EPHA5: variants seen among roughly 807,000 people sequenced by gnomAD.
EPHA5 encodes the protein ephrin type-A receptor 5.
A neutral mutation model predicts 105.0 loss-of-function variants in EPHA5; 60 were observed. The observed-to-expected ratio is 0.57, with a 90% confidence interval of 0.46 to 0.71. EPHA5 has a LOEUF of 0.71. Ranked by LOEUF, EPHA5 falls within the 30% of genes least tolerant of loss-of-function variation. The pLI is 0.00. For missense variants in EPHA5, 1,218 were observed against 1,274.7 expected (o/e 0.96, Z 0.68); for synonymous variants, 513 against 449.1 (o/e 1.14, Z -1.80).
intron 8 of EPHA5, among the ~76,000 whole-genome samples, chr4:65,369,695 TG>T (rs1466056865): frequency 6.6e-6 from 1 of 152,094 alleles, no homozygotes; most frequent in Admixed American, 6.6e-5. Context: ...TGGCTGGGCG[TG>T]GTGGCTCACG....
chr4:65,599,848 AT>A (rs1743540470), intron 3 of EPHA5, among the ~76,000 whole-genome samples: 1 of 152,194 alleles, frequency 6.6e-6, no homozygotes, highest in Non-Finnish European at 1.5e-5. Context: ...ACTGCATTGC[AT>A]TCTGTCAGAA....
chr4:65,348,817 T>A (rs188390624), intron 13 of EPHA5, among the ~76,000 whole-genome samples: 2,248 of 83,160 alleles, frequency 0.027, 192 homozygotes, highest in African/African-American at 0.095. Flanking sequence ...ATATATATAT[T>A]TTTTTTTTTT....
intron 5 of EPHA5, among the ~76,000 whole-genome samples, chr4:65,456,723 T>TACACACAC (rs71205367): frequency 3.3e-5 from 5 of 151,338 alleles, no homozygotes; most frequent in East Asian, 2.0e-4. Context: ...AATAAACATA[T>TACACACAC]ACACACACAC....
chr4:65,595,553 T>C (rs543270108), intron 3 of EPHA5, among the ~76,000 whole-genome samples: 6 of 151,486 alleles, frequency 4.0e-5, no homozygotes, highest in African/African-American at 1.4e-4. Flanking sequence ...ACCCTTTATT[T>C]TATAATTTTT....
At chr4:65,590,374 C>A (rs6855605) in intron 3 of EPHA5, among the ~76,000 whole-genome samples, 36,606 of 151,962 alleles carry the variant, frequency 0.24, 4,998 homozygotes, top group East Asian at 0.45. Context: ...AAGATGTGAT[C>A]CACACGCATG....
chr4:65,426,635 T>C (rs1382472926), intron 5 of EPHA5, among the ~76,000 whole-genome samples: 1 of 152,140 alleles, frequency 6.6e-6, no homozygotes, highest in African/African-American at 2.4e-5. Context: ...ATAAATTATT[T>C]TTCTGGGATT....
At chr4:65,404,927 G>A (rs1219311252) in intron 7 of EPHA5, among the ~76,000 whole-genome samples, 1 of 152,044 alleles carries the variant, frequency 6.6e-6, no homozygotes, top group Non-Finnish European at 1.5e-5. Flanking sequence ...TTTCCCCATA[G>A]ACATTGGAGA....
intron 5 of EPHA5, among the ~76,000 whole-genome samples, chr4:65,430,991 C>T (rs1353508197): frequency 1.3e-5 from 2 of 152,046 alleles, no homozygotes; most frequent in Admixed American, 1.3e-4. Flanking sequence ...AGTTGTATTA[C>T]CTAAATCAAA....
At chr4:65,548,887 A>C (rs565517861) in intron 3 of EPHA5, among the ~76,000 whole-genome samples, 11 of 152,260 alleles carry the variant, frequency 7.2e-5, no homozygotes, top group African/African-American at 2.6e-4. Flanking sequence ...CACTATGTGG[A>C]AATTGGGACT....
chr4:65,567,948 A>G (rs1173600663), intron 3 of EPHA5, among the ~76,000 whole-genome samples: 3 of 151,492 alleles, frequency 2.0e-5, no homozygotes, highest in African/African-American at 7.2e-5. Flanking sequence ...CTTCAGGGGC[A>G]ATAAATTATT....
chr4:65,554,421 A>G (rs1425777357), intron 3 of EPHA5, among the ~76,000 whole-genome samples: 2 of 151,322 alleles, frequency 1.3e-5, no homozygotes, highest in African/African-American at 4.8e-5. Context: ...TTATTTATCA[A>G]GAATGTACAA....
At position 65,602,194 on chromosome 4, in the gene EPHA5, G is replaced by A. The variant is rs2149441391; in HGVS notation, c.357C>T (p.Ser119=). 1 of 1,613,916 alleles carries A rather than the reference G, an allele frequency of 6.2e-7. No homozygotes were observed. The highest frequency in any genetic ancestry group is 8.5e-7 in the Non-Finnish European group (1 of 1,180,004). ...TGAAGATTCTGGAAGCACCTTCATT[G>A]GAGATCCAACTGGTCAAAAGCCAGT... ...QNNWLLTSWI[S]NEGASRIFIE... is the part of the protein sequence containing the mutation. Residue 119 remains serine, a synonymous_variant, in exon 3 of 17, where the codon TCC becomes TCT. Transcript: ENST00000613740.
Position 65,645,105 on chromosome 4 carries a change from C to T in EPHA5, c.182-1678G>A, listed in dbSNP as rs568523396. Among the ~76,000 whole-genome samples, 3 of 152,102 alleles carry T rather than the reference C, an allele frequency of 2.0e-5. No individual in the cohort carries two copies. The South Asian group carries it at 6.2e-4, about 31-fold the overall frequency. On this transcript the variant is annotated intron_variant, in intron 1 of 16. Coordinates refer to ENST00000613740, the MANE Select transcript of EPHA5 (RefSeq NM_001281766.3). ...CCCACTGACCTTGCAAATCCTGCCA[C>T]TCACTACATCTAATTTTTCAGACAG... is the stretch of plus-strand genomic sequence containing the variant.
At chr4:65,554,981 CAAAAAAAAA>C (rs71205383) in intron 3 of EPHA5, among the ~76,000 whole-genome samples, 18 of 92,576 alleles carry the variant, frequency 1.9e-4, no homozygotes, top group African/African-American at 7.0e-4. Context: ...TATACAACAG[CAAAAAAAAA>C]AAAAAAAAAA....
In EPHA5 at chr4:65,366,002, A is replaced by G. The variant is rs767010843; in HGVS notation, c.1917T>C (p.Asn639=). 1 of 1,609,326 alleles carries G rather than the reference A, an allele frequency of 6.2e-7. No homozygotes were observed. ...CCTTAGCAAATTCGTGGACAGCTTG[A>G]TTGGGATCCTCATAGGTATGTGGAT... ...YIDPHTYEDP[N]QAVHEFAKEI... The change falls in exon 10 of 17, where the codon AAT becomes AAC. Residue 639 remains asparagine, a synonymous_variant. Transcript: ENST00000613740.
At chr4:65,564,581 A>G (rs572474999) in intron 3 of EPHA5, among the ~76,000 whole-genome samples, 2 of 151,758 alleles carry the variant, frequency 1.3e-5, no homozygotes, top group South Asian at 4.2e-4. Context: ...ATTTATACCA[A>G]TCCTATTACT....
rs1454509934 is a variant in EPHA5, at chr4:65,573,592, G to A, written c.910+28049C>T. The A allele has an allele frequency of 3.1e-6, 5 of 1,598,754 alleles. No individual in the cohort carries two copies. The Admixed American group carries it at 6.7e-5, about 21-fold the overall frequency. On this transcript the variant is annotated intron_variant, in intron 3 of 16. Coordinates refer to ENST00000613740, the MANE Select transcript of EPHA5 (RefSeq NM_001281766.3). ...CCCAAGAAGGGGAAGCCCCGTTGCA[G>A]CCGCAACCCTGTCCTTGTCAGAGGA...
At chr4:65,605,729 C>T (rs1430860767) in intron 2 of EPHA5, among the ~76,000 whole-genome samples, 2 of 151,828 alleles carry the variant, frequency 1.3e-5, no homozygotes, top group Non-Finnish European at 2.9e-5. Context: ...AAAAAAATGG[C>T]ACTGTATGGG....
At chr4:65,413,178 G>C (rs1472944797) in intron 7 of EPHA5, among the ~76,000 whole-genome samples, 1 of 151,948 alleles carries the variant, frequency 6.6e-6, no homozygotes, top group Non-Finnish European at 1.5e-5. Context: ...AGTAAGAAAA[G>C]AAAATTTTCT....
Sources: gnomAD v4.1 joint callset for allele counts (sites outside exome capture counted in the v4.1 genomes callset) on GRCh38, gnomAD v4.1.1 for gene constraint, MANE v1.5 for transcripts, NCBI Gene and HGNC (gene_info 2026-07-23, HGNC 2026-07-21) for gene names.